Variants in SLFN12L observed in about 807,000 individuals in gnomAD.
The protein encoded by SLFN12L is schlafen family member 12 like.
A neutral mutation model predicts 34.8 loss-of-function variants in SLFN12L; 34 were observed. That is an observed-to-expected ratio of 0.98 (90% confidence interval 0.74 to 1.30). The LOEUF (loss-of-function observed/expected upper bound fraction) is 1.30. Among genes scored for constraint, SLFN12L ranks in the 50% most tolerant of loss-of-function variants. The pLI is 0.00. For missense variants in SLFN12L, 703 were observed against 696.2 expected (o/e 1.01, Z -0.11); for synonymous variants, 259 against 247.5 (o/e 1.05, Z -0.44).
chr17:35,496,940 G>A (rs1772872338), intron 2 of SLFN12L, among the ~76,000 whole-genome samples: 1 of 152,216 alleles, frequency 6.6e-6, no homozygotes, highest in Admixed American at 6.5e-5. Flanking sequence ...CTCTGTAGGC[G>A]CACATAATTA....
intron 2 of SLFN12L, among the ~76,000 whole-genome samples, chr17:35,512,495 A>T (rs1183856962): frequency 6.6e-6 from 1 of 150,612 alleles, no homozygotes; most frequent in African/African-American, 2.4e-5. Flanking sequence ...CCTCCTGAGT[A>T]GCTGGGACCA....
At chr17:35,476,475 AAG>A (rs1914016980) in intron 4 of SLFN12L, among the ~76,000 whole-genome samples, 7 of 119,524 alleles carry the variant, frequency 5.9e-5, no homozygotes, top group South Asian at 3.9e-4. Flanking sequence ...GGAAGGAAGG[AAG>A]GAAGGAAGGA....
Position 35,522,736 on chromosome 17 carries a change from C to A in SLFN12L, c.-372G>T, listed in dbSNP as rs577926835. The A allele has an allele frequency of 2.3e-5, 37 of 1,613,366 alleles. No individual in the cohort carries two copies. Among genetic ancestry groups the A allele is most frequent in the East Asian group, 1.3e-4 (6 of 44,888 alleles). On this transcript the variant is annotated 5_prime_UTR_variant, in exon 2 of 5. Transcript: ENST00000628453. ...CTTCTGCTTCAAAGTAAGGGCAGTG[C>A]AAGTGCAGTAGTCCTGGCCCTGCCA...
At position 35,479,794 on chromosome 17, in the gene SLFN12L, G is replaced by A. The variant is rs768299286; in HGVS notation, c.488C>T (p.Thr163Met). 105 of 1,612,366 alleles carry A rather than the reference G, an allele frequency of 6.5e-5. No individual in the cohort carries two copies. Among genetic ancestry groups the A allele is most frequent in the Admixed American group, 3.5e-4 (21 of 59,798 alleles). Residue 163 changes from threonine (T) to methionine (M), a missense_variant, in exon 3 of 5, where the codon ACG becomes ATG. Thr to Met is a moderately conservative substitution (Grantham distance 81). Transcript: ENST00000628453. The stretch of plus-strand genomic sequence containing the variant: ...TCTCTTGTACAAACTGGAGCTCAAC[G>A]TGGCAATCTGCGGACCAGAGGTTTC... ...SLETSGPQIA[T>M]LSSSLYKRDV... is the part of the protein sequence containing the mutation.
intron 2 of SLFN12L, among the ~76,000 whole-genome samples, chr17:35,483,070 C>T (rs113585278): frequency 3.3e-5 from 5 of 152,250 alleles, no homozygotes; most frequent in African/African-American, 7.2e-5. Context: ...CTCTGCTGAG[C>T]GCTTCAGAGA....
chr17:35,499,179 G>T, intron 2 of SLFN12L: 1 of 940,938 alleles, frequency 1.1e-6, no homozygotes. Context: ...GGAGGAGGAT[G>T]TGTGAATACC....
intron 2 of SLFN12L, among the ~76,000 whole-genome samples, chr17:35,517,687 G>C (rs1205831765): frequency 6.6e-6 from 1 of 152,140 alleles, no homozygotes; most frequent in African/African-American, 2.4e-5. Flanking sequence ...CATAGCACTG[G>C]TACCAAAACA....
chr17:35,530,091 G>A (rs2072376474), intron 1 of SLFN12L, among the ~76,000 whole-genome samples: 1 of 147,614 alleles, frequency 6.8e-6, no homozygotes, highest in African/African-American at 2.5e-5. Context: ...TGGTACCCTG[G>A]CTAGCCTCCT....
chr17:35,471,897 T>A lies in SLFN12L; in HGVS notation c.*3026A>T, dbSNP rs1417785942. On this transcript the variant is annotated 3_prime_UTR_variant, in exon 5 of 5. Coordinates refer to ENST00000628453, the MANE Select transcript of SLFN12L (RefSeq NM_001363830.2). Reference sequence around the variant, plus strand: ...ATGTCTATTCATATCCTTTATCCACTTTTCAATGGGGTTGTTTTTTCCTTG... The same window carrying A: ...ATGTCTATTCATATCCTTTATCCACATTTCAATGGGGTTGTTTTTTCCTTG... Among the ~76,000 whole-genome samples, 1 of 152,182 alleles carries A rather than the reference T, an allele frequency of 6.6e-6. No homozygotes were observed. The highest frequency in any genetic ancestry group is 2.4e-5 in the African/African-American group (1 of 41,426).
intron 1 of SLFN12L, among the ~76,000 whole-genome samples, chr17:35,523,547 C>A (rs571396318): frequency 6.6e-6 from 1 of 152,332 alleles, no homozygotes; most frequent in East Asian, 1.9e-4. Context: ...ACAGATCAAT[C>A]TGAGGCTCCC....
At chr17:35,480,353 G>A (rs912967797) in intron 2 of SLFN12L, 158 bp from the exon 3 acceptor site, 4 of 504,106 alleles carry the variant, frequency 7.9e-6, no homozygotes, top group African/African-American at 2.0e-5. Flanking sequence ...TTGAGCTAAG[G>A]CTGTGATAAT....
At position 35,496,743 on chromosome 17, in the gene SLFN12L, A is replaced by G. The variant is rs566504912; in HGVS notation, c.87-16548T>C. ...CGCTCCTCTTTCCCTTTGCAGGTGT[A>G]TGAAAGCGAGATCGCCTTCTCAGCC... On this transcript the variant is annotated intron_variant, in intron 2 of 4. Transcript: ENST00000628453. Among the ~76,000 whole-genome samples, 235 of 152,258 alleles carry G rather than the reference A, an allele frequency of 1.5e-3. 1 individual carries two copies. The highest frequency in any genetic ancestry group is 2.7e-3 in the Non-Finnish European group (185 of 68,032).
rs149155572 is a variant in SLFN12L, at chr17:35,484,692, G to A, written c.87-4497C>T. On this transcript the variant is annotated intron_variant, in intron 2 of 4. Coordinates refer to ENST00000628453, the MANE Select transcript of SLFN12L (RefSeq NM_001363830.2). Reference sequence around the variant, plus strand: ...ATTCCAGGAGAATAGCCTGGCAAGTGCATTGCTCTCACTATCTGGAGCAGG... The same window carrying A: ...ATTCCAGGAGAATAGCCTGGCAAGTACATTGCTCTCACTATCTGGAGCAGG... 6.2e-4 allele frequency among the ~76,000 whole-genome samples: 95 copies of A among 152,310 alleles called. 1 individual carries two copies. Among genetic ancestry groups the A allele is most frequent in the African/African-American group, 2.1e-3 (87 of 41,568 alleles).
At chr17:35,479,069 T>G (rs956324350) in intron 3 of SLFN12L, 48 bp downstream of exon 3, 19 of 1,403,094 alleles carry the variant, frequency 1.4e-5, no homozygotes, top group Non-Finnish European at 1.7e-5. Flanking sequence ...AAAACCTTCC[T>G]GCCACCCAAG....
Position 35,475,159 on chromosome 17 carries a change from A to T in SLFN12L, c.1603T>A (p.Cys535Ser), listed in dbSNP as rs868106827. 8 of 1,614,192 alleles carry T rather than the reference A, an allele frequency of 5.0e-6. No homozygotes were observed. The African/African-American group carries it at 6.7e-5, about 13-fold the overall frequency. ...AAGTAGAAGATCTTTGTCATGACAC[A>T]CACTTTTTTAGTGTAACCACCAATT... ...AKIGGYTKKVCVMTKIFYLSP... is the reference protein window; with the variant it reads ...AKIGGYTKKVSVMTKIFYLSP... Residue 535 changes from cysteine (C) to serine (S), a missense_variant, in exon 5 of 5, where the codon TGT becomes AGT. Cys to Ser is a moderately radical substitution (Grantham distance 112, BLOSUM62 -1). Coordinates refer to ENST00000628453, the MANE Select transcript of SLFN12L (RefSeq NM_001363830.2).
chr17:35,519,901 A>G lies in SLFN12L; in HGVS notation c.86+2378T>C, dbSNP rs955648464. ...CCTTAAAAGTTGAATTTGCAAGCAT[A>G]ATGGAATGGCAGGTCAGCCGCACCT... On this transcript the variant is annotated intron_variant, in intron 2 of 4. Coordinates refer to ENST00000628453, the MANE Select transcript of SLFN12L (RefSeq NM_001363830.2). Among the ~76,000 whole-genome samples, 5 of 152,262 alleles carry G rather than the reference A, an allele frequency of 3.3e-5. 1 individual carries two copies. The highest frequency in any genetic ancestry group is 2.1e-4 in the South Asian group (1 of 4,828).
At chr17:35,513,132 G>A (rs1915709888) in intron 2 of SLFN12L, among the ~76,000 whole-genome samples, 1 of 152,158 alleles carries the variant, frequency 6.6e-6, no homozygotes, top group Admixed American at 6.5e-5. Context: ...TGGTATGTTT[G>A]TGCTGGTCAT....
At chr17:35,536,455 C>T (rs571190854) in intron 1 of SLFN12L, among the ~76,000 whole-genome samples, 1 of 152,280 alleles carries the variant, frequency 6.6e-6, no homozygotes, top group South Asian at 2.1e-4. Flanking sequence ...AACTAGATCA[C>T]AGTTTCCCAG....
intron 2 of SLFN12L, among the ~76,000 whole-genome samples, chr17:35,485,205 CT>C (rs1333868844): frequency 6.6e-6 from 1 of 152,086 alleles, no homozygotes; most frequent in East Asian, 1.9e-4. Context: ...CATATTTTGA[CT>C]TTTTAGTATA....
Sources: allele counts gnomAD v4.1 joint callset (sites outside exome capture counted in the v4.1 genomes callset), GRCh38; gene constraint gnomAD v4.1.1; transcripts MANE v1.5; gene names NCBI Gene and HGNC (gene_info 2026-07-23, HGNC 2026-07-21).